Variants in PPP3CA observed in about 807,000 individuals in gnomAD.
PPP3CA encodes the protein CAM-PRP catalytic subunit.
PPP3CA carries 14 observed loss-of-function variants against 66.5 expected under a neutral mutation model. That is an observed-to-expected ratio of 0.21 (90% CI 0.14 to 0.33). PPP3CA has a LOEUF of 0.33. Ranked by LOEUF, PPP3CA falls within the 10% of genes least tolerant of loss-of-function variation. The probability of loss-of-function intolerance (pLI) is 1.00; values close to 1 mark genes in which losing one functional copy is unlikely to be tolerated. For synonymous variants in PPP3CA, 232 were observed against 226.2 expected, an observed-to-expected ratio of 1.03 and a Z score of -0.23; for missense variants, 317 against 639.5, an observed-to-expected ratio of 0.50 and a Z score of 5.44.
At chr4:101,070,259 A>G (rs2110231686) in intron 8 of PPP3CA, among the ~76,000 whole-genome samples, 1 of 152,262 alleles carries the variant, frequency 6.6e-6, no homozygotes, top group East Asian at 1.9e-4. Context: ...TAAGGAATGA[A>G]AATAGAAAAT....
At position 101,099,767 on chromosome 4, in the gene PPP3CA, C is replaced by T. The variant is rs3729663; in HGVS notation, c.385-45G>A. ...TATAAAAATAAATATTTTTCCTTAA[C>T]ACTTATGCATTTCATTGCTCACATA... On this transcript the variant is annotated intron_variant, in intron 3 of 13. Coordinates refer to ENST00000394854, the MANE Select transcript of PPP3CA (RefSeq NM_000944.5). 0.12 allele frequency: 130,085 copies of T among 1,073,318 alleles called. 9,693 individuals carry two copies. The highest frequency in any genetic ancestry group is 0.33 in the African/African-American group (19,775 of 59,966). The allele number at this position is 1,073,318 out of a possible 1,614,324, so 66.5% of individuals were successfully genotyped here.
At chr4:101,163,727 C>T (rs919016687) in intron 2 of PPP3CA, among the ~76,000 whole-genome samples, 2 of 152,066 alleles carry the variant, frequency 1.3e-5, no homozygotes, top group Non-Finnish European at 2.9e-5. Context: ...ATGATAGGTA[C>T]ACCATGGTTT....
At position 101,098,492 on chromosome 4, in the gene PPP3CA, G is replaced by A. The variant is rs777415869; in HGVS notation, c.517C>T (p.Arg173Cys). Residue 173 changes from arginine (R) to cysteine (C), a missense_variant, in exon 5 of 14, where the codon CGC becomes TGC. Coordinates refer to ENST00000394854, the MANE Select transcript of PPP3CA (RefSeq NM_000944.5). ...GCATCCATACAGGCATCATATACGC[G>A]TTCTGAATACTTTATTTTACCTTTT... ...KQECKIKYSERVYDACMDAFD... is the reference protein window; with the variant it reads ...KQECKIKYSECVYDACMDAFD... 5.9e-5 allele frequency: 95 copies of A among 1,606,722 alleles called. No homozygotes were observed. In the Admixed American group the frequency reaches 1.1e-3, roughly 19 times the overall value.
At chr4:101,242,475 G>A (rs1236517385) in intron 1 of PPP3CA, among the ~76,000 whole-genome samples, 1 of 151,824 alleles carries the variant, frequency 6.6e-6, no homozygotes, top group African/African-American at 2.4e-5. Flanking sequence ...AAGTGCCAGA[G>A]AATAAAAATA....
At chr4:101,299,390 GTTTT>G (rs201679318) in intron 1 of PPP3CA, among the ~76,000 whole-genome samples, 3 of 139,866 alleles carry the variant, frequency 2.1e-5, no homozygotes, top group Non-Finnish European at 3.1e-5. Flanking sequence ...TGTTTTTTGG[GTTTT>G]TTTTTTGTTT....
rs1730573041 is a variant in PPP3CA at position 101,104,475 on chromosome 4, T to C, written c.384+4479A>G. 2.0e-5 allele frequency among the ~76,000 whole-genome samples: 3 copies of C among 152,210 alleles called. No individual in the cohort carries two copies. The South Asian group carries it at 6.2e-4, about 32-fold the overall frequency. On this transcript the variant is annotated intron_variant, in intron 3 of 13. Transcript: ENST00000394854. ...ACTGATTTTTTTTTTTCGTGGTGCTTTGTGGTACATGTAATGAATATACTA... is the reference window on the plus strand; with the variant it reads ...ACTGATTTTTTTTTTTCGTGGTGCTCTGTGGTACATGTAATGAATATACTA...
Position 101,347,003 on chromosome 4 carries a change from C to T in PPP3CA, c.-207G>A, listed in dbSNP as rs2110349444. 1.6e-6 allele frequency: 1 copy of T among 609,964 alleles called. No homozygotes were observed. Among genetic ancestry groups the T allele is most frequent in the Non-Finnish European group, 2.9e-6 (1 of 350,836 alleles). The allele number at this position is 609,964 out of a possible 1,614,324, so 37.8% of individuals were successfully genotyped here. ...CTCCGCCGCCGCCGCCTTCACTCCTCCTCCGCCGCTGCCGCCAGCCCCGCC... is the reference window on the plus strand; with the variant it reads ...CTCCGCCGCCGCCGCCTTCACTCCTTCTCCGCCGCTGCCGCCAGCCCCGCC... On this transcript the variant is annotated 5_prime_UTR_variant, in exon 1 of 14. Coordinates refer to ENST00000394854, the MANE Select transcript of PPP3CA (RefSeq NM_000944.5).
At chr4:101,070,068 C>A (rs531665458) in intron 8 of PPP3CA, among the ~76,000 whole-genome samples, 1 of 152,002 alleles carries the variant, frequency 6.6e-6, no homozygotes, top group Non-Finnish European at 1.5e-5. Flanking sequence ...TGTTTCCATT[C>A]TTGATATAGG....
At chr4:101,100,404 C>T (rs1730390364) in intron 3 of PPP3CA, among the ~76,000 whole-genome samples, 1 of 152,034 alleles carries the variant, frequency 6.6e-6, no homozygotes, top group African/African-American at 2.4e-5. Context: ...CCTTATTTTA[C>T]TTATTAATCA....
At chr4:101,064,366 CTGA>C (rs1728594865) in intron 8 of PPP3CA, among the ~76,000 whole-genome samples, 1 of 151,954 alleles carries the variant, frequency 6.6e-6, no homozygotes, top group Non-Finnish European at 1.5e-5. Context: ...CATTCTGCTT[CTGA>C]ATGACAGCCT....
chr4:101,213,106 T>A (rs1311461306), intron 1 of PPP3CA, among the ~76,000 whole-genome samples: 2 of 152,154 alleles, frequency 1.3e-5, no homozygotes, highest in Non-Finnish European at 2.9e-5. Context: ...CATGCAAACA[T>A]GAATGTTCTA....
At chr4:101,103,436 A>G (rs1321698339) in intron 3 of PPP3CA, among the ~76,000 whole-genome samples, 1 of 152,214 alleles carries the variant, frequency 6.6e-6, no homozygotes, top group East Asian at 1.9e-4. Flanking sequence ...GCATGTAGAC[A>G]GGCAGCAGTG....
intron 1 of PPP3CA, among the ~76,000 whole-genome samples, chr4:101,238,350 T>C (rs1014080678): frequency 5.3e-5 from 8 of 151,952 alleles, no homozygotes; most frequent in South Asian, 4.1e-4. Flanking sequence ...AAGCTGACAA[T>C]AGTTCTATAG....
At chr4:101,134,910 T>C (rs1722566753) in intron 2 of PPP3CA, among the ~76,000 whole-genome samples, 1 of 152,156 alleles carries the variant, frequency 6.6e-6, no homozygotes, top group South Asian at 2.1e-4. Context: ...TGAATTTATG[T>C]CCTTTGCTGG....
intron 2 of PPP3CA, among the ~76,000 whole-genome samples, chr4:101,192,403 C>T (rs1044823448): frequency 2.6e-5 from 4 of 152,084 alleles, no homozygotes; most frequent in African/African-American, 9.7e-5. Context: ...TGTAACTCTC[C>T]TGCTCAAAGA....
chr4:101,209,377 G>A (rs1490543006), intron 1 of PPP3CA, among the ~76,000 whole-genome samples: 1 of 152,012 alleles, frequency 6.6e-6, no homozygotes, highest in Non-Finnish European at 1.5e-5. Context: ...AGCCAAGGGG[G>A]ACCCAATTAT....
intron 1 of PPP3CA, among the ~76,000 whole-genome samples, chr4:101,334,109 A>G (rs774751149): frequency 5.3e-5 from 8 of 152,008 alleles, no homozygotes; most frequent in Admixed American, 1.3e-4. Flanking sequence ...TCATATGGGA[A>G]ATAAGGACAT....
At chr4:101,334,837 T>G (rs949682391) in intron 1 of PPP3CA, among the ~76,000 whole-genome samples, 1 of 152,168 alleles carries the variant, frequency 6.6e-6, no homozygotes, top group Non-Finnish European at 1.5e-5. Context: ...TGATATAACA[T>G]TCACTTCTAC....
intron 1 of PPP3CA, among the ~76,000 whole-genome samples, chr4:101,244,581 C>T (rs1024065729): frequency 1.3e-5 from 2 of 152,162 alleles, no homozygotes; most frequent in South Asian, 2.1e-4. Context: ...GTACGCTATA[C>T]GCCCTCCCCC....
Sources: gnomAD v4.1 joint callset for allele counts (sites outside exome capture counted in the v4.1 genomes callset) on GRCh38, gnomAD v4.1.1 for gene constraint, MANE v1.5 for transcripts, NCBI Gene and HGNC (gene_info 2026-07-23, HGNC 2026-07-21) for gene names.